SH3YL1: variants seen among roughly 807,000 people sequenced by gnomAD.
SH3YL1 encodes SH3 domain-containing YSC84-like protein 1.
In SH3YL1, 41 loss-of-function variants were observed where a neutral mutation model predicts 45.8. The observed-to-expected ratio is 0.89, with a 90% CI of 0.70 to 1.16. SH3YL1 has a LOEUF of 1.16. Ranked by LOEUF, SH3YL1 falls within the 50% of genes most tolerant of loss-of-function variation. SH3YL1 has a pLI of 0.00. For synonymous variants in SH3YL1, 152 were observed against 151.4 expected (o/e 1.00, Z -0.03); for missense variants, 389 against 409.6 (o/e 0.95, Z 0.43).
intron 1 of SH3YL1, chr2:256,163 A>C (rs1558253327): frequency 6.6e-6 from 1 of 152,254 alleles, no homozygotes; most frequent in African/African-American, 2.4e-5. Context: ...AACTTCATAT[A>C]GTCATCAGTG....
chr2:257,527 C>A (rs1669395338), intron 1 of SH3YL1, among the ~76,000 whole-genome samples: 1 of 152,140 alleles, frequency 6.6e-6, no homozygotes, highest in Non-Finnish European at 1.5e-5. Context: ...TTGGCCAATC[C>A]CAGCAGCCAT....
chr2:230,934 G>A (rs777953782), intron 7 of SH3YL1, 89 bp downstream of exon 7: 1 of 1,303,072 alleles, frequency 7.7e-7, no homozygotes, highest in South Asian at 1.2e-5. Context: ...AGGCTTAGTA[G>A]GTTCTTAGGA....
chr2:234,085 A>C, intron 5 of SH3YL1, 75 bp downstream of exon 5: 2 of 1,087,090 alleles, frequency 1.8e-6, no homozygotes, highest in Non-Finnish European at 2.7e-6. Context: ...ATTTTAATTC[A>C]AGTTTCCTAT....
rs1251326536 is a variant in SH3YL1, at chr2:233,248, T to A, written c.405-19A>T. 4 of 1,546,712 alleles carry A rather than the reference T, an allele frequency of 2.6e-6. No individual in the cohort carries two copies. The highest frequency in any genetic ancestry group is 3.5e-6 in the Non-Finnish European group (4 of 1,144,168). On this transcript the variant is annotated intron_variant, in intron 5 of 9. Transcript: ENST00000356150. ...CAAGTTCCTGCAAAGCACAAGATTT[T>A]GCATCACAAAGCTGTGAGCAGCTCC...
chr2:247,012 C>T (rs1253965038), intron 4 of SH3YL1, among the ~76,000 whole-genome samples: 3 of 152,186 alleles, frequency 2.0e-5, no homozygotes, highest in African/African-American at 2.4e-5. Flanking sequence ...AGAGGATCCC[C>T]GTGTAGGAGG....
At chr2:223,476 C>G (rs1667663166) in intron 9 of SH3YL1, among the ~76,000 whole-genome samples, 2 of 152,150 alleles carry the variant, frequency 1.3e-5, no homozygotes, top group Admixed American at 6.6e-5. Flanking sequence ...ACTTTAACAA[C>G]CAGATACCTA....
intron 1 of SH3YL1, among the ~76,000 whole-genome samples, chr2:261,735 C>G (rs941860771): frequency 1.3e-5 from 2 of 152,170 alleles, no homozygotes; most frequent in Non-Finnish European, 2.9e-5. Flanking sequence ...GGTTTCCAAT[C>G]TAGTTGTACA....
chr2:230,329 G>C lies in SH3YL1; in HGVS notation c.703-285C>G, dbSNP rs1367012933. On this transcript the variant is annotated intron_variant, in intron 7 of 9. Transcript: ENST00000356150. The stretch of plus-strand genomic sequence containing the variant: ...CTTAGGGAGCTGCAGGGACGGTGGT[G>C]TAGTAATTGGTTTAGCAAGCAACTG... 3 of 240,898 alleles carry C rather than the reference G, an allele frequency of 1.2e-5. No individual in the cohort carries two copies. In the South Asian group the frequency reaches 4.3e-4, roughly 34 times the overall value. The allele number at this position is 240,898 out of a possible 1,614,324, so 14.9% of individuals were successfully genotyped here. A position where few individuals can be genotyped will look rare whatever the true frequency, so the allele number is the denominator to read the frequency against.
intron 3 of SH3YL1, among the ~76,000 whole-genome samples, chr2:248,408 T>G (rs1668929749): frequency 6.6e-6 from 1 of 152,042 alleles, no homozygotes; most frequent in Non-Finnish European, 1.5e-5. Context: ...CTTACAGAAA[T>G]TAGTGTCTGA....
chr2:259,266 T>C (rs979770954), intron 1 of SH3YL1, among the ~76,000 whole-genome samples: 2 of 152,234 alleles, frequency 1.3e-5, no homozygotes, highest in Non-Finnish European at 2.9e-5. Flanking sequence ...TTTGTTCTTT[T>C]ATGATGAGCA....
Position 224,910 on chromosome 2 carries a change from AT to A in SH3YL1, c.791del (p.Asn264MetfsTer19), listed in dbSNP as rs779586616. 1.2e-6 allele frequency: 2 copies of A among 1,611,172 alleles called. No homozygotes were observed. ...AAAGTCCAGGATAGAGCTTATATTC[AT>A]TTCTGTTACCTGCCAAAAAAGAGGA... The part of the protein sequence containing the change: ...QLNSGSQSNR[N>X]EYKLYPGLSS... On this transcript the variant is annotated frameshift_variant, in exon 9 of 10. Coordinates refer to ENST00000356150, the MANE Select transcript of SH3YL1 (RefSeq NM_015677.4). LOFTEE classifies it high-confidence loss of function.
intron 3 of SH3YL1, among the ~76,000 whole-genome samples, chr2:248,232 T>C (rs1668921288): frequency 6.6e-6 from 1 of 152,224 alleles, no homozygotes; most frequent in African/African-American, 2.4e-5. Context: ...TTTTTCTTGA[T>C]ATAGAAACTC....
At chr2:262,456 C>G (rs72772902) in intron 1 of SH3YL1, 1 of 518,016 alleles carries the variant, frequency 1.9e-6, no homozygotes, top group African/African-American at 2.0e-5. Flanking sequence ...TTATTCCTGC[C>G]CTTCCTCTTC....
At chr2:261,313 T>C (rs772915274) in intron 1 of SH3YL1, 1 of 152,228 alleles carries the variant, frequency 6.6e-6, no homozygotes, top group Non-Finnish European at 1.5e-5. Context: ...TCATTACTAA[T>C]GAAGCCTCTT....
intron 4 of SH3YL1, among the ~76,000 whole-genome samples, chr2:238,083 T>C (rs1668383955): frequency 6.6e-6 from 1 of 152,038 alleles, no homozygotes; most frequent in South Asian, 2.1e-4. Flanking sequence ...ATCACCCCCT[T>C]CTGGATGATT....
At chr2:263,068 C>G in intron 1 of SH3YL1, 1 of 173,628 alleles carries the variant, frequency 5.8e-6, no homozygotes, top group South Asian at 1.2e-4. Flanking sequence ...AGCACCTTAG[C>G]CTCGAGACCT....
intron 3 of SH3YL1, among the ~76,000 whole-genome samples, chr2:248,817 A>G (rs547402190): frequency 2.0e-5 from 3 of 152,304 alleles, no homozygotes; most frequent in Non-Finnish European, 4.4e-5. Flanking sequence ...ATAATGCTTG[A>G]GAAAAAGAGA....
intron 8 of SH3YL1, among the ~76,000 whole-genome samples, chr2:229,446 T>C (rs1027927820): frequency 3.3e-5 from 5 of 152,176 alleles, no homozygotes; most frequent in Non-Finnish European, 5.9e-5. Flanking sequence ...AAGTGTCTTA[T>C]GGGCCGGGCA....
At chr2:252,715 A>G (rs1177398081) in intron 2 of SH3YL1, among the ~76,000 whole-genome samples, 1 of 152,176 alleles carries the variant, frequency 6.6e-6, no homozygotes, top group East Asian at 1.9e-4. Flanking sequence ...ATTAAGAGGG[A>G]GGTTGGTCTG....
Sources: allele counts gnomAD v4.1 joint callset (sites outside exome capture counted in the v4.1 genomes callset), GRCh38; gene constraint gnomAD v4.1.1; transcripts MANE v1.5; gene names NCBI Gene and HGNC (gene_info 2026-07-23, HGNC 2026-07-21).